The following TAFAZZIN variants were observed in gnomAD, a reference collection of about 807,000 sequenced individuals.
TAFAZZIN encodes the protein protein G4.5.
A neutral mutation model predicts 27.3 loss-of-function variants in TAFAZZIN; 6 were observed. That is an observed-to-expected ratio of 0.22 (90% CI 0.12 to 0.43). TAFAZZIN has a LOEUF of 0.43. Among genes scored for constraint, TAFAZZIN ranks in the 20% least tolerant of loss-of-function variants. TAFAZZIN has a pLI of 1.00. For missense variants in TAFAZZIN, 127 were observed against 244.5 expected (o/e 0.52, Z 3.21); for synonymous variants, 79 against 96.2 (o/e 0.82, Z 1.04).
chrX:154,417,059 C>T lies in TAFAZZIN; in HGVS notation c.461-2484C>T, dbSNP rs782613357. 1.4e-3 allele frequency among the ~76,000 whole-genome samples: 151 copies of T among 109,366 alleles called. 1 individual carries two copies. The highest frequency in any genetic ancestry group is 2.4e-3 in the Non-Finnish European group (124 of 52,328). 95.0% of individuals were successfully genotyped at this position (109,366 alleles called of 115,157 possible). ...CTGAGGCAGGAGAGTGGCGTGAACC[C>T]GGGAGACGGAGCTTGCAGTGAGCTG... On this transcript the variant is annotated intron_variant, in intron 5 of 10. Transcript: ENST00000601016.
At chrX:154,415,774 G>A (rs1296706767) in intron 5 of TAFAZZIN, among the ~76,000 whole-genome samples, 1 of 107,249 alleles carries the variant, frequency 9.3e-6, no homozygotes, top group Non-Finnish European at 1.9e-5. Flanking sequence ...TCAGCTACTC[G>A]GGAGGCTGGG....
intron 5 of TAFAZZIN, 78 bp from the exon 6 acceptor site, chrX:154,419,465 G>A (rs2068566124): frequency 9.8e-7 from 1 of 1,019,484 alleles, no homozygotes; most frequent in African/African-American, 1.9e-5. Context: ...GAGGTTTGGA[G>A]AGTGTTGAGG....
chrX:154,419,844 G>A (rs2068578382), intron 7 of TAFAZZIN, 98 bp downstream of exon 7: 12 of 1,125,518 alleles, frequency 1.1e-5, no homozygotes, highest in Non-Finnish European at 1.5e-5. Context: ...TTGTATGGGG[G>A]TAGATGGGCG....
At chrX:154,420,144 G>A (rs931413786) in intron 8 of TAFAZZIN, 50 bp downstream of exon 8, 56 of 1,207,267 alleles carry the variant, frequency 4.6e-5, no homozygotes, top group Non-Finnish European at 6.2e-5. Flanking sequence ...TGGGGGGCCT[G>A]GGACTCCCTC....
Position 154,419,755 on chromosome X carries a change from T to A in TAFAZZIN, c.583+9T>A. Reference sequence around the variant, plus strand: ...CCTGCGTTTCAAGTGGGGTAAGGGCTGCTGGTCTCTGGCCACAGCCATCCT... The same window carrying A: ...CCTGCGTTTCAAGTGGGGTAAGGGCAGCTGGTCTCTGGCCACAGCCATCCT... On this transcript the variant is annotated intron_variant, in intron 7 of 10. Coordinates refer to ENST00000601016, the MANE Select transcript of TAFAZZIN (RefSeq NM_000116.5). 1 of 1,212,217 alleles carries A rather than the reference T, an allele frequency of 8.2e-7. No individual in the cohort carries two copies. Among genetic ancestry groups the A allele is most frequent in the Non-Finnish European group, 1.1e-6 (1 of 895,557 alleles).
chrX:154,414,422 G>T (rs2068420539), intron 5 of TAFAZZIN, among the ~76,000 whole-genome samples: 1 of 112,866 alleles, frequency 8.9e-6, no homozygotes, highest in Non-Finnish European at 1.9e-5. Context: ...GCTGGGCGCG[G>T]TGGCTCACGC....
In TAFAZZIN at chrX:154,411,749, G is replaced by A. The variant is rs1557190599; in HGVS notation, c.-95G>A. 2 of 851,856 alleles carry A rather than the reference G, an allele frequency of 2.3e-6. No individual in the cohort carries two copies. Among genetic ancestry groups the A allele is most frequent in the Non-Finnish European group, 3.3e-6 (2 of 599,780 alleles). The allele number at this position is 851,856 out of a possible 1,213,427, so 70.2% of individuals were successfully genotyped here. On this transcript the variant is annotated 5_prime_UTR_variant, in exon 1 of 11. Coordinates refer to ENST00000601016, the MANE Select transcript of TAFAZZIN (RefSeq NM_000116.5). ...CGTCCGTCCGTGCGCGGGCCAGTCA[G>A]GGGCCAGTGTCTCGAGCGGTCGAGG...
chrX:154,420,200 A>G lies in TAFAZZIN; in HGVS notation c.647-12A>G. 1 of 1,211,333 alleles carries G rather than the reference A, an allele frequency of 8.3e-7. No homozygotes were observed. Among genetic ancestry groups the G allele is most frequent in the East Asian group, 3.0e-5 (1 of 33,801 alleles). On this transcript the variant is annotated splice_polypyrimidine_tract_variant and intron_variant, in intron 8 of 10. Coordinates refer to ENST00000601016, the MANE Select transcript of TAFAZZIN (RefSeq NM_000116.5). ...CCACCCCACGTCTGGCCTTCTGTCCACTGTGCTGCAGGAATGAATGACGTC... is the reference window on the plus strand; with the variant it reads ...CCACCCCACGTCTGGCCTTCTGTCCGCTGTGCTGCAGGAATGAATGACGTC...
chrX:154,415,010 GA>G (rs1361135977), intron 5 of TAFAZZIN, among the ~76,000 whole-genome samples: 4 of 101,682 alleles, frequency 3.9e-5, no homozygotes, highest in Admixed American at 1.1e-4. Flanking sequence ...AAAAAAAAAA[GA>G]ATTTTGAATT....
chrX:154,419,174 G>A, intron 5 of TAFAZZIN: 1 of 275,843 alleles, frequency 3.6e-6, no homozygotes. Flanking sequence ...CACTGAAGAT[G>A]GGGGTCATAG....
intron 5 of TAFAZZIN, among the ~76,000 whole-genome samples, chrX:154,417,948 C>T (rs1279621609): frequency 8.9e-6 from 1 of 111,922 alleles, no homozygotes; most frequent in African/African-American, 3.2e-5. Context: ...TTCTGTGTTC[C>T]AAAAAATTCC....
chrX:154,421,125 C>T lies in TAFAZZIN; in HGVS notation c.*121C>T, dbSNP rs2068618949. ...TTGTTCATAGACCCTCTCAAGTGCC[C>T]TCTCCGAGCTGGTAGGCATTCCAGC... On this transcript the variant is annotated 3_prime_UTR_variant, in exon 11 of 11. Transcript: ENST00000601016. 1.6e-6 allele frequency: 1 copy of T among 640,599 alleles called. No homozygotes were observed. The highest frequency in any genetic ancestry group is 2.5e-6 in the Non-Finnish European group (1 of 401,250). 52.8% of individuals were successfully genotyped at this position (640,599 alleles called of 1,213,427 possible).
intron 1 of TAFAZZIN, 32 bp from the exon 2 acceptor site, chrX:154,412,054 C>T (rs782254165): frequency 2.5e-6 from 3 of 1,208,952 alleles, no homozygotes; most frequent in Non-Finnish European, 3.4e-6. Flanking sequence ...AGCGGGCGAG[C>T]CCGGAGCGCC....
At chrX:154,414,691 CAAAA>C (rs35339645) in intron 5 of TAFAZZIN, among the ~76,000 whole-genome samples, 1 of 54,178 alleles carries the variant, frequency 1.8e-5, no homozygotes, top group Admixed American at 2.3e-4. Flanking sequence ...GACTCCGTCT[CAAAA>C]AAAAAAAAAA....
intron 5 of TAFAZZIN, among the ~76,000 whole-genome samples, chrX:154,417,233 G>T (rs968054737): frequency 7.1e-5 from 8 of 112,728 alleles, no homozygotes; most frequent in Admixed American, 1.9e-4. Flanking sequence ...TCTTCAGAGA[G>T]AGGGCAGAGG....
chrX:154,421,319 C>T lies in TAFAZZIN; in HGVS notation c.*315C>T. 2 of 414,087 alleles carry T rather than the reference C, an allele frequency of 4.8e-6. No homozygotes were observed. The highest frequency in any genetic ancestry group is 4.5e-6 in the Non-Finnish European group (1 of 223,827). The allele number at this position is 414,087 out of a possible 1,213,427, so 34.1% of individuals were successfully genotyped here. ...AGAAGGCAGGTGAGCAACCAGTTGG[C>T]TAGGGGAGCAGGGGGCCCACCAGAG... On this transcript the variant is annotated 3_prime_UTR_variant, in exon 11 of 11. Coordinates refer to ENST00000601016, the MANE Select transcript of TAFAZZIN (RefSeq NM_000116.5).
In TAFAZZIN at chrX:154,414,207, G is replaced by A. The variant is rs201513598; in HGVS notation, c.460+17G>A. The A allele has an allele frequency of 4.2e-6, 5 of 1,186,638 alleles. No individual in the cohort carries two copies. The highest frequency in any genetic ancestry group is 2.2e-5 in the Admixed American group (1 of 44,807). The stretch of plus-strand genomic sequence containing the variant: ...GAGAGAAAGGTAAGCCAGGCATAGC[G>A]GTTCACACTTGTCATCCCAGCACTT... On this transcript the variant is annotated intron_variant, in intron 5 of 10. Coordinates refer to ENST00000601016, the MANE Select transcript of TAFAZZIN (RefSeq NM_000116.5).
intron 10 of TAFAZZIN, 24 bp from the exon 11 acceptor site, chrX:154,420,879 G>C (rs1214523874): frequency 8.3e-7 from 1 of 1,201,376 alleles, no homozygotes; most frequent in African/African-American, 1.8e-5. Context: ...AGGGGTGCAG[G>C]CCATCCCTGG....
At chrX:154,415,880 C>CAAA (rs140328432) in intron 5 of TAFAZZIN, among the ~76,000 whole-genome samples, 53 of 27,977 alleles carry the variant, frequency 1.9e-3, no homozygotes, top group East Asian at 5.8e-3. Context: ...GACCTGGTCT[C>CAAA]AAAAAAAAAA....
Sources: gnomAD v4.1 joint callset for allele counts (sites outside exome capture counted in the v4.1 genomes callset) on GRCh38, gnomAD v4.1.1 for gene constraint, MANE v1.5 for transcripts, NCBI Gene and HGNC (gene_info 2026-07-23, HGNC 2026-07-21) for gene names.